SLC9C2: variants seen among roughly 807,000 people sequenced by gnomAD.
SLC9C2 encodes the protein sodium/hydrogen exchanger 11.
Under a neutral mutation model 140.2 loss-of-function variants are expected in SLC9C2, and 75 were observed. The ratio of observed to expected loss-of-function variants is 0.53; its 90% confidence interval spans 0.44 to 0.65. The LOEUF (loss-of-function observed/expected upper bound fraction) is 0.65. Among genes scored for constraint, SLC9C2 ranks in the 30% least tolerant of loss-of-function variants. SLC9C2 has a pLI of 0.00. For synonymous variants in SLC9C2, 375 were observed against 420.9 expected, an observed-to-expected ratio of 0.89 and a Z score of 1.34; for missense variants, 1,074 against 1,331.8, an observed-to-expected ratio of 0.81 and a Z score of 3.01.
chr1:173,568,042 G>A (rs1372966211), intron 9 of SLC9C2, among the ~76,000 whole-genome samples: 2 of 152,086 alleles, frequency 1.3e-5, no homozygotes, highest in African/African-American at 2.4e-5. Flanking sequence ...TTGAAAAGTT[G>A]TTGAAGTAAT....
intron 22 of SLC9C2, among the ~76,000 whole-genome samples, chr1:173,519,753 G>A (rs1420755737): frequency 1.3e-5 from 2 of 152,310 alleles, no homozygotes; most frequent in East Asian, 1.9e-4. Context: ...ATGGATACTG[G>A]AGACAGACTA....
intron 7 of SLC9C2, among the ~76,000 whole-genome samples, chr1:173,578,278 C>T (rs7556211): frequency 0.023 from 3,447 of 152,272 alleles, 146 homozygotes; most frequent in African/African-American, 0.075. Flanking sequence ...CAACCTCAAT[C>T]AGATGCTTTT....
intron 18 of SLC9C2, among the ~76,000 whole-genome samples, chr1:173,527,880 A>G (rs951071878): frequency 6.6e-6 from 1 of 152,216 alleles, no homozygotes. Context: ...CTCATTTTGA[A>G]TATAAGAATA....
At chr1:173,573,413 T>G in intron 8 of SLC9C2, 88 bp from the exon 9 acceptor site, 3 of 975,306 alleles carry the variant, frequency 3.1e-6, no homozygotes, top group Non-Finnish European at 4.4e-6. Context: ...ATCTTATATC[T>G]ACCATGCTGT....
At chr1:173,549,477 A>AT (rs1663100404) in intron 11 of SLC9C2, among the ~76,000 whole-genome samples, 1 of 152,230 alleles carries the variant, frequency 6.6e-6, no homozygotes, top group Non-Finnish European at 1.5e-5. Flanking sequence ...TCCCACCCAT[A>AT]TGATGGGGCA....
At chr1:173,587,029 A>G (rs866747305) in intron 5 of SLC9C2, among the ~76,000 whole-genome samples, 37 of 152,040 alleles carry the variant, frequency 2.4e-4, no homozygotes, top group African/African-American at 8.5e-4. Context: ...TAGAAGGAAC[A>G]AAGAAAAAAA....
rs772418329 is a variant in SLC9C2, at chr1:173,506,980, T to C, written c.3101A>G (p.Tyr1034Cys). ...CATATTATCAATAATCATGTCACTA[T>C]AGCTTGATAAAGTTTCCACATATGC... ...NQAYVETLSSYSDMIIDNMTM... is the reference protein window; with the variant it reads ...NQAYVETLSSCSDMIIDNMTM... Residue 1034 changes from tyrosine to cysteine, a missense_variant, in exon 25 of 28, where the codon TAT becomes TGT. By Grantham distance (194) the Tyr-to-Cys change is radical. Coordinates refer to ENST00000367714, the MANE Select transcript of SLC9C2 (RefSeq NM_178527.4). The C allele has an allele frequency of 5.6e-6, 9 of 1,612,312 alleles. No individual in the cohort carries two copies. The highest frequency in any genetic ancestry group is 7.6e-6 in the Non-Finnish European group (9 of 1,179,532).
At chr1:173,505,934 A>G (rs918370394) in intron 25 of SLC9C2, among the ~76,000 whole-genome samples, 1 of 149,176 alleles carries the variant, frequency 6.7e-6, no homozygotes, top group African/African-American at 2.5e-5. Flanking sequence ...TTTTAAGCCT[A>G]AGTGTGCCTG....
chr1:173,512,612 AT>A (rs1660129768), intron 23 of SLC9C2, among the ~76,000 whole-genome samples: 1 of 152,106 alleles, frequency 6.6e-6, no homozygotes. Flanking sequence ...AGACAATTTG[AT>A]TTCCTCTCTT....
intron 17 of SLC9C2, among the ~76,000 whole-genome samples, chr1:173,531,999 T>G (rs1051489624): frequency 3.4e-4 from 52 of 152,268 alleles, no homozygotes; most frequent in African/African-American, 1.2e-3. Flanking sequence ...ACTCAGCTCA[T>G]AAGGCAAAAA....
Position 173,540,093 on chromosome 1 carries a change from T to C in SLC9C2, c.1558-3054A>G, listed in dbSNP as rs572149915. Reference sequence around the variant, plus strand: ...CCTGGAACTTAAGAGGCTTTGTGGCTTCCCCTCTCACCCTGTTGGAACCCA... The same window carrying C: ...CCTGGAACTTAAGAGGCTTTGTGGCCTCCCCTCTCACCCTGTTGGAACCCA... On this transcript the variant is annotated intron_variant, in intron 13 of 27. Transcript: ENST00000367714. Among the ~76,000 whole-genome samples, 145 of 152,292 alleles carry C rather than the reference T, an allele frequency of 9.5e-4. 2 individuals carry two copies. In the Middle Eastern group the frequency reaches 0.014, roughly 14 times the overall value.
chr1:173,520,104 T>C (rs2101941151), intron 22 of SLC9C2, among the ~76,000 whole-genome samples: 1 of 152,258 alleles, frequency 6.6e-6, no homozygotes, highest in South Asian at 2.1e-4. Context: ...GCTGAGATGG[T>C]GTCACTGCAC....
chr1:173,597,508 A>AC (rs1222634444), intron 4 of SLC9C2, among the ~76,000 whole-genome samples: 7 of 152,098 alleles, frequency 4.6e-5, no homozygotes, highest in African/African-American at 1.7e-4. Flanking sequence ...TTAAGAAAAA[A>AC]ACATAGAAGG....
intron 11 of SLC9C2, among the ~76,000 whole-genome samples, chr1:173,548,862 A>G (rs1024762744): frequency 1.3e-5 from 2 of 152,232 alleles, no homozygotes; most frequent in Admixed American, 1.3e-4. Flanking sequence ...TGTAAAGTGT[A>G]CAGGTGGAAG....
chr1:173,546,479 G>A (rs543694426), intron 13 of SLC9C2, among the ~76,000 whole-genome samples: 1 of 152,362 alleles, frequency 6.6e-6, no homozygotes, highest in South Asian at 2.1e-4. Flanking sequence ...TACCAGGGAG[G>A]CTGAGGCACA....
chr1:173,571,483 C>T (rs534745193), intron 9 of SLC9C2: 3 of 152,308 alleles, frequency 2.0e-5, no homozygotes, highest in South Asian at 2.1e-4. Flanking sequence ...TCAAATGTCA[C>T]TTTCTCATTG....
rs759102556 is a variant in SLC9C2 at position 173,547,703 on chromosome 1, C to A, written c.1543G>T (p.Ala515Ser). The change falls in exon 13 of 28, where the codon GCT (alanine) becomes TCT (serine). Residue 515 changes from alanine to serine, a missense_variant. Coordinates refer to ENST00000367714, the MANE Select transcript of SLC9C2 (RefSeq NM_178527.4). ...ALMEEARLHV[A>S]AIQMSSFEKQ... ...ACAGCACCAACCATTTGTATTGCAG[C>A]TACATGCAATCTGGCTTCCTCCATT... is the stretch of plus-strand genomic sequence containing the variant. 3.7e-6 allele frequency: 6 copies of A among 1,610,750 alleles called. No individual in the cohort carries two copies. In the East Asian group the frequency reaches 1.3e-4, roughly 36 times the overall value.
chr1:173,532,515 G>A (rs762635441), intron 17 of SLC9C2, among the ~76,000 whole-genome samples: 3 of 152,182 alleles, frequency 2.0e-5, no homozygotes, highest in Admixed American at 6.5e-5. Context: ...GGAAATTGAA[G>A]GCCACAGTAA....
At chr1:173,533,567 C>A in intron 17 of SLC9C2, 42 bp downstream of exon 17, 1 of 1,461,834 alleles carries the variant, frequency 6.8e-7, no homozygotes, top group South Asian at 1.3e-5. Context: ...TGTGAGCTAC[C>A]ACTCCTGGCA....
Sources: gnomAD v4.1 joint callset for allele counts (sites outside exome capture counted in the v4.1 genomes callset) on GRCh38, gnomAD v4.1.1 for gene constraint, MANE v1.5 for transcripts, NCBI Gene and HGNC (gene_info 2026-07-23, HGNC 2026-07-21) for gene names.